The following POTEE variants were observed in gnomAD, a reference collection of about 807,000 sequenced individuals.
POTEE encodes POTE ankyrin domain family member E, also known as ANKRD26-like family C member 1A.
A neutral mutation model predicts 74.2 loss-of-function variants in POTEE; 21 were observed. That is an observed-to-expected ratio of 0.28 (90% CI 0.20 to 0.41). The LOEUF is 0.41. Ranked by LOEUF, POTEE falls within the 10% of genes least tolerant of loss-of-function variation. The pLI is 1.00. For synonymous variants in POTEE, 211 were observed against 432.8 expected, an observed-to-expected ratio of 0.49 and a Z score of 6.36; for missense variants, 525 against 1,158.6, an observed-to-expected ratio of 0.45 and a Z score of 7.94.
intron 9 of POTEE, among the ~76,000 whole-genome samples, chr2:131,235,761 TC>T (rs1371737554): frequency 1.7e-5 from 2 of 116,008 alleles, no homozygotes; most frequent in Non-Finnish European, 3.2e-5. Flanking sequence ...GCCACTGCAC[TC>T]CAGCCTGGTG....
At chr2:131,222,862 C>T (rs1191707454) in intron 4 of POTEE, among the ~76,000 whole-genome samples, 4 of 151,758 alleles carry the variant, frequency 2.6e-5, no homozygotes, top group African/African-American at 2.4e-5. Flanking sequence ...TATCTAAATG[C>T]TGGTCATCTG....
chr2:131,217,745 C>T (rs1270310747), intron 3 of POTEE, among the ~76,000 whole-genome samples, 62 bp downstream of exon 3: 1 of 142,892 alleles, frequency 7.0e-6, no homozygotes, highest in African/African-American at 2.8e-5. Flanking sequence ...GAGATAAGCA[C>T]GCCGCACGCC....
At chr2:131,222,272 G>A (rs1293121306) in intron 4 of POTEE, among the ~76,000 whole-genome samples, 76 of 152,318 alleles carry the variant, frequency 5.0e-4, no homozygotes, top group African/African-American at 1.8e-3. Context: ...CATGGATGGT[G>A]TTGAAAGCCA....
intron 9 of POTEE, among the ~76,000 whole-genome samples, chr2:131,233,631 A>T: frequency 1.5e-5 from 2 of 133,942 alleles, no homozygotes; most frequent in Admixed American, 7.8e-5. Context: ...TGCTTTTTTC[A>T]TTTGTTTTGC....
At chr2:131,235,620 C>T (rs1224871386) in intron 9 of POTEE, among the ~76,000 whole-genome samples, 2 of 151,608 alleles carry the variant, frequency 1.3e-5, no homozygotes, top group South Asian at 2.1e-4. Context: ...GGTGAAACCC[C>T]GTCTCTACTA....
At chr2:131,221,751 GAATT>G (rs1380552988) in intron 4 of POTEE, among the ~76,000 whole-genome samples, 2 of 152,136 alleles carry the variant, frequency 1.3e-5, no homozygotes, top group Admixed American at 6.5e-5. Context: ...TAAAAAGTAT[GAATT>G]AATCATTTTA....
rs774016121 is a variant in POTEE, at chr2:131,218,690, C to A, written c.288C>A (p.Asn96Lys). Residue 96 changes from asparagine to lysine, a missense_variant, in exon 4 of 18, where the codon AAC becomes AAA. Physicochemically the swap from Asn to Lys is moderately conservative, Grantham distance 94. Coordinates refer to ENST00000683005, the MANE Select transcript of POTEE (RefSeq NM_001083538.3). ...ACTCTGCTATGAAGACACTCAGGAA[C>A]AAGATGGGGAAGTGGTGCTGCCACT... is the stretch of plus-strand genomic sequence containing the variant. ...HDDSAMKTLR[N>K]KMGKWCCHCF... 8 of 1,352,678 alleles carry A rather than the reference C, an allele frequency of 5.9e-6. 1 individual carries two copies. The South Asian group carries it at 1.2e-4, about 20-fold the overall frequency. The allele number at this position is 1,352,678 out of a possible 1,614,324, so 83.8% of individuals were successfully genotyped here.
At chr2:131,227,370 T>C (rs1388161114) in intron 7 of POTEE, among the ~76,000 whole-genome samples, 1 of 148,920 alleles carries the variant, frequency 6.7e-6, no homozygotes. Context: ...ATGACTTTGC[T>C]TTAAGTTGCT....
intron 2 of POTEE, among the ~76,000 whole-genome samples, chr2:131,212,941 G>A (rs545027992): frequency 5.6e-4 from 85 of 150,652 alleles, no homozygotes; most frequent in African/African-American, 2.0e-3. Flanking sequence ...AAGAGAAAAA[G>A]GAAGTCGGGA....
intron 4 of POTEE, among the ~76,000 whole-genome samples, chr2:131,219,589 T>C (rs1700551356): frequency 1.3e-5 from 2 of 152,074 alleles, no homozygotes; most frequent in African/African-American, 4.8e-5. Context: ...TAAAAAAAAT[T>C]AGCTGGGTGC....
In POTEE at chr2:131,263,978, C is replaced by T. The variant is rs1422848897; in HGVS notation, c.2523C>T (p.Ser841=). The change falls in exon 18 of 18, where the codon TCC becomes TCT. Residue 841 remains serine (S), a synonymous_variant. Transcript: ENST00000683005. ...ACGTGGCCATCCAGGCCGTGCCGTC[C>T]CTGTACACCTCTGGCCGTACTACTG... ...AMYVAIQAVP[S]LYTSGRTTGI... is the part of the protein sequence containing the mutation. The T allele has an allele frequency of 7.4e-6, 12 of 1,614,216 alleles. No individual in the cohort carries two copies. The highest frequency in any genetic ancestry group is 1.0e-5 in the Non-Finnish European group (12 of 1,180,048).
rs1270502578 is a variant in POTEE, at chr2:131,217,761, CCGCACG to C, written c.-94+86_-94+91del. ...AGATAAGCACGCCGCACGCCGCACG[CCGCACG>C]CGCACGCCGCACGCGCACGCGCACG... On this transcript the variant is annotated intron_variant, in intron 3 of 17. Coordinates refer to ENST00000683005, the MANE Select transcript of POTEE (RefSeq NM_001083538.3). Among the ~76,000 whole-genome samples the C allele has an allele frequency of 0.012, 152 of 12,742 alleles. 2 individuals carry two copies. In the Admixed American group the frequency reaches 0.15, roughly 13 times the overall value. 8.4% of individuals were successfully genotyped at this position (12,742 alleles called of 152,430 possible). A position where few individuals can be genotyped will look rare whatever the true frequency, so the allele number is the denominator to read the frequency against.
chr2:131,230,330 G>T (rs557286997), intron 8 of POTEE, among the ~76,000 whole-genome samples: 1 of 152,226 alleles, frequency 6.6e-6, no homozygotes, highest in African/African-American at 2.4e-5. Context: ...TATGCATTGG[G>T]TTTTATTTGG....
At position 131,218,803 on chromosome 2, in the gene POTEE, ACGTCC is replaced by A; in HGVS notation, c.402_406del (p.His134GlnfsTer16). ...AGCGCCTTCATGGAGCCCAGGTACCACGTCCGTGGAGAAGATCTGGACAAGCTCCA... is the reference window on the plus strand; with the variant it reads ...AGCGCCTTCATGGAGCCCAGGTACCAGTGGAGAAGATCTGGACAAGCTCCA... On this transcript the variant is annotated frameshift_variant, in exon 4 of 18. Transcript: ENST00000683005. LOFTEE classifies it high-confidence loss of function. 6.2e-7 allele frequency: 1 copy of A among 1,612,716 alleles called. No individual in the cohort carries two copies.
intron 9 of POTEE, 101 bp downstream of exon 9, chr2:131,231,007 G>A (rs546407608): frequency 3.9e-5 from 43 of 1,116,580 alleles, no homozygotes; most frequent in South Asian, 1.8e-4. Flanking sequence ...GGCTGGGGGA[G>A]GGTGGGGATG....
At chr2:131,253,340 GT>G (rs1392502970) in intron 16 of POTEE, among the ~76,000 whole-genome samples, 17 of 150,744 alleles carry the variant, frequency 1.1e-4, no homozygotes, top group African/African-American at 4.2e-4. Flanking sequence ...TCTCTTTTCA[GT>G]GAACTTTTAT....
At chr2:131,219,399 GGGAAGATGGTTCCTGTGCTTGAACA>G (rs1700545897) in intron 4 of POTEE, among the ~76,000 whole-genome samples, 1 of 151,284 alleles carries the variant, frequency 6.6e-6, no homozygotes, top group Non-Finnish European at 1.5e-5. Flanking sequence ...AAACTGAAAT[GGGAAGATGGTTCCTGTGCTTGAACA>G]GGAAGATTGA....
At chr2:131,257,018 C>A (rs1458482937) in intron 16 of POTEE, among the ~76,000 whole-genome samples, 2 of 149,156 alleles carry the variant, frequency 1.3e-5, no homozygotes, top group African/African-American at 4.9e-5. Flanking sequence ...TTTTTAGAGT[C>A]TTTGATGTAC....
At chr2:131,236,049 C>T (rs376061775) in intron 9 of POTEE, among the ~76,000 whole-genome samples, 4 of 151,936 alleles carry the variant, frequency 2.6e-5, no homozygotes, top group African/African-American at 9.7e-5. Flanking sequence ...AACAAAGACA[C>T]GGCTTGGCTT....
Sources: allele counts gnomAD v4.1 joint callset (sites outside exome capture counted in the v4.1 genomes callset), GRCh38; gene constraint gnomAD v4.1.1; transcripts MANE v1.5; gene names NCBI Gene and HGNC (gene_info 2026-07-23, HGNC 2026-07-21).